Variants in UBE2D1 observed in about 807,000 individuals in gnomAD.
The protein encoded by UBE2D1 is ubiquitin conjugating enzyme E2 D1.
Under a neutral mutation model 24.6 loss-of-function variants are expected in UBE2D1, and 9 were observed. The observed-to-expected ratio is 0.37, with a 90% CI of 0.22 to 0.64. UBE2D1 has a LOEUF of 0.64. Among genes scored for constraint, UBE2D1 ranks in the 30% least tolerant of loss-of-function variants. The pLI, the probability that UBE2D1 is intolerant of heterozygous loss-of-function variation, is 0.64. For synonymous variants in UBE2D1, 57 were observed against 57.6 expected (o/e 0.99, Z 0.04); for missense variants, 87 against 177.1 (o/e 0.49, Z 2.89).
intron 1 of UBE2D1, among the ~76,000 whole-genome samples, chr10:58,347,323 C>T (rs1324204320): frequency 2.0e-5 from 3 of 152,130 alleles, no homozygotes; most frequent in East Asian, 3.9e-4. Context: ...ATTACTAGAA[C>T]GAATAAATGC....
intron 1 of UBE2D1, among the ~76,000 whole-genome samples, chr10:58,336,790 A>C (rs1839908097): frequency 6.6e-6 from 1 of 152,204 alleles, no homozygotes; most frequent in Non-Finnish European, 1.5e-5. Context: ...CCTAGTTGTG[A>C]GAATTTTTCA....
rs546145358 is a variant in UBE2D1 at position 58,357,667 on chromosome 10, C to T, written c.25-3671C>T. 7.9e-5 allele frequency among the ~76,000 whole-genome samples: 12 copies of T among 152,160 alleles called. No homozygotes were observed. In the South Asian group the frequency reaches 8.3e-4, roughly 11 times the overall value. ...CTGTAGGTCATTCTATCTGCACATA[C>T]GCATCCTAGTTTCAGTTACGTATTT... On this transcript the variant is annotated intron_variant, in intron 1 of 6. Coordinates refer to ENST00000373910, the MANE Select transcript of UBE2D1 (RefSeq NM_003338.5).
chr10:58,370,384 T>C lies in UBE2D1; in HGVS notation c.*1619T>C, dbSNP rs1291935378. 1 of 152,606 alleles carries C rather than the reference T, an allele frequency of 6.6e-6. No homozygotes were observed. Among genetic ancestry groups the C allele is most frequent in the Non-Finnish European group, 1.5e-5 (1 of 67,942 alleles). 9.5% of individuals were successfully genotyped at this position (152,606 alleles called of 1,614,324 possible). A position where few individuals can be genotyped will look rare whatever the true frequency, so the allele number is the denominator to read the frequency against. On this transcript the variant is annotated 3_prime_UTR_variant, in exon 7 of 7. Transcript: ENST00000373910. ...AGTATTTTGTCATGGTTCATTATTA[T>C]TAAAGCACAAAATAACCTATTGTTA...
intron 1 of UBE2D1, among the ~76,000 whole-genome samples, chr10:58,356,261 C>T (rs761649361): frequency 6.6e-6 from 1 of 152,038 alleles, no homozygotes. Flanking sequence ...CTACCATTAA[C>T]AATTTGTTGT....
At chr10:58,354,605 CT>C (rs1840111105) in intron 1 of UBE2D1, among the ~76,000 whole-genome samples, 1 of 152,062 alleles carries the variant, frequency 6.6e-6, no homozygotes. Context: ...AATCCCAGCA[CT>C]TTGGGAAGCT....
intron 1 of UBE2D1, among the ~76,000 whole-genome samples, chr10:58,345,343 C>A (rs1407180359): frequency 1.3e-5 from 2 of 152,060 alleles, no homozygotes; most frequent in African/African-American, 2.4e-5. Context: ...AGCATCGTGG[C>A]ACGTGCCTGT....
chr10:58,349,056 G>A (rs921443470), intron 1 of UBE2D1, among the ~76,000 whole-genome samples: 3 of 152,014 alleles, frequency 2.0e-5, no homozygotes, highest in Admixed American at 6.6e-5. Context: ...TTTGTGTCTC[G>A]TTGTTTATAG....
At chr10:58,346,172 G>A (rs979899809) in intron 1 of UBE2D1, among the ~76,000 whole-genome samples, 1 of 151,814 alleles carries the variant, frequency 6.6e-6, no homozygotes, top group Non-Finnish European at 1.5e-5. Context: ...CACCATGCCC[G>A]GCTAATTTTT....
At chr10:58,338,426 A>G (rs2132312235) in intron 1 of UBE2D1, among the ~76,000 whole-genome samples, 1 of 152,336 alleles carries the variant, frequency 6.6e-6, no homozygotes, top group East Asian at 1.9e-4. Flanking sequence ...GAAAGATGTT[A>G]TCGCAGTCAC....
intron 1 of UBE2D1, among the ~76,000 whole-genome samples, chr10:58,345,153 T>C (rs928091060): frequency 1.3e-5 from 2 of 151,870 alleles, no homozygotes; most frequent in African/African-American, 2.4e-5. Context: ...GTGAGAGCCA[T>C]GGTGCCCAGC....
chr10:58,341,951 G>T (rs1038037354), intron 1 of UBE2D1, among the ~76,000 whole-genome samples: 1 of 152,152 alleles, frequency 6.6e-6, no homozygotes, highest in Non-Finnish European at 1.5e-5. Context: ...GACCATATTT[G>T]CAGTTTGGGA....
At chr10:58,353,603 C>T (rs1039073357) in intron 1 of UBE2D1, among the ~76,000 whole-genome samples, 4 of 152,128 alleles carry the variant, frequency 2.6e-5, no homozygotes, top group Non-Finnish European at 5.9e-5. Flanking sequence ...TTTTGTGTGG[C>T]TTTGGATACT....
rs2132336667 is a variant in UBE2D1, at chr10:58,369,559, G to A, written c.*794G>A. On this transcript the variant is annotated 3_prime_UTR_variant, in exon 7 of 7. Coordinates refer to ENST00000373910, the MANE Select transcript of UBE2D1 (RefSeq NM_003338.5). ...ATTGACACCTTTTACAGATCTTACT[G>A]TAGCTTTTTCCATATAAATAAAATG... 1 of 152,366 alleles carries A rather than the reference G, an allele frequency of 6.6e-6. No individual in the cohort carries two copies. The highest frequency in any genetic ancestry group is 2.1e-4 in the South Asian group (1 of 4,824). 9.4% of individuals were successfully genotyped at this position (152,366 alleles called of 1,614,324 possible).
chr10:58,336,093 CT>C (rs201799902), intron 1 of UBE2D1, among the ~76,000 whole-genome samples: 1 of 152,178 alleles, frequency 6.6e-6, no homozygotes, highest in Admixed American at 6.5e-5. Flanking sequence ...ATGGAATCGT[CT>C]TTTTTTCACA....
intron 1 of UBE2D1, among the ~76,000 whole-genome samples, chr10:58,347,639 C>CTTTTTTTTTTTTT (rs774396274): frequency 2.8e-4 from 32 of 116,238 alleles, no homozygotes; most frequent in African/African-American, 1.1e-3. Context: ...AAATTACACT[C>CTTTTTTTTTTTTT]TTTTTTTTTT....
intron 1 of UBE2D1, among the ~76,000 whole-genome samples, chr10:58,347,742 G>T (rs1840032596): frequency 1.3e-5 from 2 of 150,894 alleles, no homozygotes; most frequent in Non-Finnish European, 2.9e-5. Context: ...CCGCCTCCTG[G>T]GTTCAAGCGA....
intron 1 of UBE2D1, chr10:58,360,988 G>A (rs1057107034): frequency 6.6e-6 from 3 of 454,476 alleles, no homozygotes; most frequent in South Asian, 5.0e-5. Context: ...TCAATAGATT[G>A]TAACCTGTTA....
intron 6 of UBE2D1, chr10:58,368,222 T>C (rs1840277931): frequency 2.2e-6 from 1 of 458,910 alleles, no homozygotes; most frequent in Admixed American, 3.5e-5. Context: ...TACTGTTCAA[T>C]AGTATATACT....
chr10:58,359,013 TAAAAAAAAA>T (rs35713196), intron 1 of UBE2D1, among the ~76,000 whole-genome samples: 2 of 115,152 alleles, frequency 1.7e-5, no homozygotes, highest in Admixed American at 1.9e-4. Flanking sequence ...ACCAGCTATT[TAAAAAAAAA>T]AAAAAAAAAA....
Sources: gnomAD v4.1 joint callset for allele counts (sites outside exome capture counted in the v4.1 genomes callset) on GRCh38, gnomAD v4.1.1 for gene constraint, MANE v1.5 for transcripts, NCBI Gene and HGNC (gene_info 2026-07-23, HGNC 2026-07-21) for gene names.